Variants in GTF2F2 observed in about 807,000 individuals in gnomAD.
GTF2F2 encodes ATP-dependent helicase GTF2F2.
Under a neutral mutation model 42.2 loss-of-function variants are expected in GTF2F2, and 23 were observed. That is an observed-to-expected ratio of 0.55 (90% CI 0.39 to 0.77). The LOEUF (loss-of-function observed/expected upper bound fraction) is 0.77. Ranked by LOEUF, GTF2F2 falls within the 30% of genes least tolerant of loss-of-function variation. GTF2F2 has a pLI of 0.00. For missense variants in GTF2F2, 261 were observed against 287.2 expected (o/e 0.91, Z 0.66); for synonymous variants, 105 against 100.8 (o/e 1.04, Z -0.25).
intron 2 of GTF2F2, 121 bp downstream of exon 2, chr13:45,136,927 T>C (rs1333865080): frequency 4.7e-6 from 3 of 639,644 alleles, no homozygotes; most frequent in Non-Finnish European, 8.3e-6. Context: ...GTAATGAGCA[T>C]GTCAAGGCTT....
intron 4 of GTF2F2, among the ~76,000 whole-genome samples, chr13:45,172,213 G>A (rs1871632513): frequency 6.6e-6 from 1 of 152,154 alleles, no homozygotes; most frequent in Admixed American, 6.5e-5. Context: ...CCAAGTGGAT[G>A]GGTGTGCAGT....
chr13:45,183,261 G>T (rs545753882), intron 4 of GTF2F2, among the ~76,000 whole-genome samples: 13 of 152,034 alleles, frequency 8.6e-5, no homozygotes, highest in Non-Finnish European at 1.8e-4. Context: ...AATTAACTCC[G>T]CTAGCAAAGT....
chr13:45,278,612 TTAAG>T (rs998785588), intron 7 of GTF2F2, among the ~76,000 whole-genome samples: 14 of 152,074 alleles, frequency 9.2e-5, no homozygotes, highest in Admixed American at 1.3e-4. Flanking sequence ...CACTCAGTGT[TTAAG>T]TAAGAGGAGG....
intron 4 of GTF2F2, among the ~76,000 whole-genome samples, chr13:45,168,404 T>C (rs1255131025): frequency 6.6e-6 from 1 of 152,230 alleles, no homozygotes; most frequent in Admixed American, 6.5e-5. Context: ...GGAGTGGCGT[T>C]CAGCCAATAT....
intron 5 of GTF2F2, among the ~76,000 whole-genome samples, chr13:45,225,611 C>CAAAA (rs35637992): frequency 0.014 from 943 of 65,450 alleles, 22 homozygotes; most frequent in African/African-American, 0.045. Flanking sequence ...AGCTCTGTCT[C>CAAAA]AAAAAAAAAA....
intron 5 of GTF2F2, among the ~76,000 whole-genome samples, chr13:45,244,608 A>G (rs190916301): frequency 7.2e-5 from 11 of 152,348 alleles, no homozygotes; most frequent in African/African-American, 2.2e-4. Flanking sequence ...TCCTTATAAT[A>G]GTAACAAAGC....
chr13:45,238,137 T>C (rs1875085496), intron 5 of GTF2F2, among the ~76,000 whole-genome samples: 1 of 152,112 alleles, frequency 6.6e-6, no homozygotes, highest in African/African-American at 2.4e-5. Context: ...GCATATTTAA[T>C]AGAGAAGAGG....
At chr13:45,275,210 G>C (rs1390942068) in intron 7 of GTF2F2, among the ~76,000 whole-genome samples, 3 of 152,120 alleles carry the variant, frequency 2.0e-5, no homozygotes, top group African/African-American at 7.2e-5. Context: ...GCACACATCA[G>C]TACAGCTGTC....
At chr13:45,224,580 G>T (rs1363434610) in intron 5 of GTF2F2, among the ~76,000 whole-genome samples, 1 of 152,104 alleles carries the variant, frequency 6.6e-6, no homozygotes, top group African/African-American at 2.4e-5. Flanking sequence ...CATTTTAGTT[G>T]GAGGAACACT....
At chr13:45,167,396 AT>A (rs761750778) in intron 4 of GTF2F2, among the ~76,000 whole-genome samples, 3,088 of 104,236 alleles carry the variant, frequency 0.03, 45 homozygotes, top group Admixed American at 0.047. Flanking sequence ...TCACCCAGCT[AT>A]TTTTTTTTTT....
intron 5 of GTF2F2, among the ~76,000 whole-genome samples, chr13:45,248,144 G>A (rs778328894): frequency 6.6e-6 from 1 of 152,120 alleles, no homozygotes; most frequent in Non-Finnish European, 1.5e-5. Context: ...TGCCTGGCCT[G>A]ATTTTTTTAA....
chr13:45,159,475 C>T (rs1166436541), intron 4 of GTF2F2, among the ~76,000 whole-genome samples: 2 of 152,236 alleles, frequency 1.3e-5, no homozygotes, highest in East Asian at 3.9e-4. Context: ...ACTGCAACCT[C>T]CGCCTCCCAG....
intron 1 of GTF2F2, among the ~76,000 whole-genome samples, chr13:45,128,996 A>T (rs1343977315): frequency 6.6e-6 from 1 of 152,168 alleles, no homozygotes; most frequent in East Asian, 1.9e-4. Flanking sequence ...CTTTCCCTTG[A>T]AGTGCTTTCT....
At chr13:45,282,460 G>A (rs1877304762) in intron 7 of GTF2F2, among the ~76,000 whole-genome samples, 1 of 152,056 alleles carries the variant, frequency 6.6e-6, no homozygotes, top group South Asian at 2.1e-4. Flanking sequence ...CAAACACAAG[G>A]CTGCATCCCT....
intron 4 of GTF2F2, among the ~76,000 whole-genome samples, chr13:45,191,028 G>A (rs932495157): frequency 9.3e-5 from 14 of 150,278 alleles, no homozygotes; most frequent in African/African-American, 3.2e-4. Flanking sequence ...TATTTGAAAA[G>A]TCTCGTGTTT....
intron 4 of GTF2F2, chr13:45,194,742 A>G (rs774836783): frequency 4.7e-5 from 29 of 612,704 alleles, no homozygotes; most frequent in Non-Finnish European, 7.9e-5. Flanking sequence ...CAGCCTATGT[A>G]TGCAGGAGCT....
intron 5 of GTF2F2, among the ~76,000 whole-genome samples, chr13:45,210,576 A>G (rs549589159): frequency 3.9e-4 from 59 of 152,284 alleles, no homozygotes; most frequent in Non-Finnish European, 7.2e-4. Flanking sequence ...ATAAGTTCCC[A>G]TGAAAACAAA....
intron 7 of GTF2F2, among the ~76,000 whole-genome samples, chr13:45,278,816 C>CTTTTTCTTTTTTTT (rs1373556965): frequency 3.2e-5 from 2 of 62,300 alleles, no homozygotes; most frequent in Admixed American, 2.2e-4. Flanking sequence ...TTTTCTTTTT[C>CTTTTTCTTTTTTTT]TTTTTTTTTT....
chr13:45,200,087 G>C (rs1437519426), intron 4 of GTF2F2, among the ~76,000 whole-genome samples: 2 of 152,026 alleles, frequency 1.3e-5, no homozygotes, highest in Non-Finnish European at 2.9e-5. Context: ...TTTAGCAGCA[G>C]TATTTTGTCT....
Sources: allele counts gnomAD v4.1 joint callset (sites outside exome capture counted in the v4.1 genomes callset), GRCh38; gene constraint gnomAD v4.1.1; transcripts MANE v1.5; gene names NCBI Gene and HGNC (gene_info 2026-07-23, HGNC 2026-07-21).